The following STXBP3 variants were observed in gnomAD, a reference collection of about 807,000 sequenced individuals.
STXBP3 encodes the protein syntaxin binding protein 3, also known as syntaxin-binding protein 3.
A neutral mutation model predicts 85.7 loss-of-function variants in STXBP3; 41 were observed. The observed-to-expected ratio is 0.48, with a 90% CI of 0.37 to 0.62. The LOEUF is 0.62. Among genes scored for constraint, STXBP3 ranks in the 20% least tolerant of loss-of-function variants. STXBP3 has a pLI of 0.00. For missense variants in STXBP3, 563 were observed against 703.1 expected (o/e 0.80, Z 2.25); for synonymous variants, 229 against 231.7 (o/e 0.99, Z 0.10).
intron 17 of STXBP3, among the ~76,000 whole-genome samples, chr1:108,804,563 G>T (rs1372141861): frequency 6.6e-6 from 1 of 152,164 alleles, no homozygotes; most frequent in African/African-American, 2.4e-5. Context: ...TATGTGTCTT[G>T]TAATTTTGAA....
intron 12 of STXBP3, 114 bp from the exon 13 acceptor site, chr1:108,794,713 C>A: frequency 1.2e-6 from 1 of 803,680 alleles, no homozygotes; most frequent in South Asian, 1.7e-5. Flanking sequence ...TTACATGTTA[C>A]CTTCTTTCAC....
At position 108,793,564 on chromosome 1, in the gene STXBP3, AT is replaced by A. The variant is rs778778200; in HGVS notation, c.964-17del. 153 of 1,606,006 alleles carry A rather than the reference AT, an allele frequency of 9.5e-5. No individual in the cohort carries two copies. The highest frequency in any genetic ancestry group is 1.2e-4 in the Non-Finnish European group (138 of 1,175,506). On this transcript the variant is annotated splice_polypyrimidine_tract_variant and intron_variant, in intron 11 of 18. Transcript: ENST00000370008. Reference sequence around the variant, plus strand: ...CTGAATCATAGGCTTGCCTAAAAAAATGTTTGATTTTTCCTAGACATCACTT... The same window carrying A: ...CTGAATCATAGGCTTGCCTAAAAAAAGTTTGATTTTTCCTAGACATCACTT...
At chr1:108,804,207 G>GT (rs1663284494) in intron 17 of STXBP3, among the ~76,000 whole-genome samples, 1 of 151,732 alleles carries the variant, frequency 6.6e-6, no homozygotes, top group South Asian at 2.1e-4. Flanking sequence ...AAACTTTTTT[G>GT]TTTCTTCTGC....
chr1:108,756,456 T>G (rs532758852), intron 3 of STXBP3, among the ~76,000 whole-genome samples: 2 of 152,268 alleles, frequency 1.3e-5, no homozygotes, highest in South Asian at 4.1e-4. Context: ...ATGAATAATT[T>G]CTTACATTAT....
chr1:108,767,523 C>A, intron 6 of STXBP3: 1 of 178,830 alleles, frequency 5.6e-6, no homozygotes, highest in South Asian at 1.1e-4. Context: ...GCTTGTCACA[C>A]CTGTGTTGAT....
chr1:108,787,814 G>A (rs1662891727), intron 11 of STXBP3, among the ~76,000 whole-genome samples: 1 of 151,730 alleles, frequency 6.6e-6, no homozygotes, highest in Admixed American at 6.6e-5. Flanking sequence ...TTAAGAGACA[G>A]GGTCTTGTTC....
chr1:108,788,909 AC>A (rs1201148905), intron 11 of STXBP3, among the ~76,000 whole-genome samples: 2 of 152,114 alleles, frequency 1.3e-5, no homozygotes, highest in Non-Finnish European at 2.9e-5. Flanking sequence ...TAAAAAAAAT[AC>A]AAAAATTAGC....
chr1:108,776,136 G>C (rs1662586869), intron 7 of STXBP3, among the ~76,000 whole-genome samples, 197 bp from the exon 8 acceptor site: 1 of 151,808 alleles, frequency 6.6e-6, no homozygotes. Context: ...ATATGATAAG[G>C]TTTTTCCTTG....
chr1:108,778,317 G>A (rs1248032915), intron 8 of STXBP3, among the ~76,000 whole-genome samples: 2 of 152,180 alleles, frequency 1.3e-5, no homozygotes, highest in East Asian at 3.8e-4. Context: ...GAAAGATACT[G>A]ACATTAACAA....
At chr1:108,758,828 A>G (rs1267634314) in intron 5 of STXBP3, among the ~76,000 whole-genome samples, 2 of 152,182 alleles carry the variant, frequency 1.3e-5, no homozygotes, top group Non-Finnish European at 2.9e-5. Flanking sequence ...AACTATTCCC[A>G]ACTGCTTTCA....
intron 17 of STXBP3, among the ~76,000 whole-genome samples, chr1:108,804,527 T>C (rs1557816923): frequency 1.3e-5 from 2 of 152,260 alleles, no homozygotes; most frequent in Non-Finnish European, 2.9e-5. Context: ...CTTTTATTTC[T>C]GCAGACTCAT....
At chr1:108,764,006 A>G (rs1662204612) in intron 6 of STXBP3, among the ~76,000 whole-genome samples, 1 of 152,050 alleles carries the variant, frequency 6.6e-6, no homozygotes, top group Non-Finnish European at 1.5e-5. Context: ...AGTACCCAAT[A>G]GTTATTTTTT....
chr1:108,798,320 G>T, intron 16 of STXBP3, 83 bp downstream of exon 16: 2 of 1,000,084 alleles, frequency 2.0e-6, no homozygotes, highest in Non-Finnish European at 2.9e-6. Context: ...GTCAGTCTGA[G>T]TATATGTATT....
chr1:108,773,415 G>T (rs1233923798), intron 7 of STXBP3, among the ~76,000 whole-genome samples: 1 of 152,090 alleles, frequency 6.6e-6, no homozygotes, highest in Non-Finnish European at 1.5e-5. Context: ...ATATAAACAA[G>T]AATTAAGTTC....
Position 108,758,604 on chromosome 1 carries a change from A to G in STXBP3, c.337+16A>G. On this transcript the variant is annotated intron_variant, in intron 5 of 18. Coordinates refer to ENST00000370008, the MANE Select transcript of STXBP3 (RefSeq NM_007269.4). Reference sequence around the variant, plus strand: ...TTCACTGACTGTAAGTCTTTTAAAAAGTTATTGCTTCATTGTTCAAAATGC... The same window carrying G: ...TTCACTGACTGTAAGTCTTTTAAAAGGTTATTGCTTCATTGTTCAAAATGC... 1 of 1,406,602 alleles carries G rather than the reference A, an allele frequency of 7.1e-7. No individual in the cohort carries two copies. The highest frequency in any genetic ancestry group is 9.6e-7 in the Non-Finnish European group (1 of 1,044,448). The allele number at this position is 1,406,602 out of a possible 1,614,324, so 87.1% of individuals were successfully genotyped here. A position where few individuals can be genotyped will look rare whatever the true frequency, so the allele number is the denominator to read the frequency against.
At chr1:108,783,943 T>C (rs1662775290) in intron 11 of STXBP3, among the ~76,000 whole-genome samples, 1 of 152,238 alleles carries the variant, frequency 6.6e-6, no homozygotes, top group Non-Finnish European at 1.5e-5. Flanking sequence ...TATTCTGTTT[T>C]GTGAAGTGCC....
At chr1:108,803,845 C>T (rs1031540425) in intron 17 of STXBP3, among the ~76,000 whole-genome samples, 4 of 152,134 alleles carry the variant, frequency 2.6e-5, no homozygotes, top group Admixed American at 6.5e-5. Flanking sequence ...TCTTAGCCAG[C>T]TATGAATTTC....
intron 9 of STXBP3, chr1:108,781,067 G>C (rs1662708022): frequency 6.6e-6 from 1 of 152,158 alleles, no homozygotes; most frequent in Admixed American, 6.5e-5. Flanking sequence ...CATCACCTGA[G>C]TATTGTCAGG....
Position 108,752,322 on chromosome 1 carries a change from C to A in STXBP3, c.99+16C>A. On this transcript the variant is annotated intron_variant, in intron 2 of 18. Coordinates refer to ENST00000370008, the MANE Select transcript of STXBP3 (RefSeq NM_007269.4). ...CGAATGGAAGGTAGAGTTTGCATAC[C>A]TTGCTCTTATAAAAAATAATACAAA... The A allele has an allele frequency of 6.2e-7, 1 of 1,608,234 alleles. No individual in the cohort carries two copies. The highest frequency in any genetic ancestry group is 1.1e-5 in the South Asian group (1 of 90,006).
Sources: allele counts gnomAD v4.1 joint callset (sites outside exome capture counted in the v4.1 genomes callset), GRCh38; gene constraint gnomAD v4.1.1; transcripts MANE v1.5; gene names NCBI Gene and HGNC (gene_info 2026-07-23, HGNC 2026-07-21).